Variants in POFUT3 observed in about 807,000 individuals in gnomAD.
POFUT3 encodes the protein protein O-fucosyltransferase 3, also known as GDP-fucose protein O-fucosyltransferase 3.
the POFUT3 span, among the ~76,000 whole-genome samples, chr8:33,323,239 G>C: frequency 3.3e-5 from 5 of 152,090 alleles, no homozygotes. Context: ...TTGATGATGC[G>C]GACAGTATGT....
chr8:33,399,965 A>C, the POFUT3 span, among the ~76,000 whole-genome samples: 1 of 151,852 alleles, frequency 6.6e-6, no homozygotes, highest in African/African-American at 2.4e-5. Context: ...AAAAGTAGTA[A>C]TCTGAGAAGA....
At chr8:33,390,480 A>T in the POFUT3 span, among the ~76,000 whole-genome samples, 6 of 151,802 alleles carry the variant, frequency 4.0e-5, no homozygotes, top group Non-Finnish European at 8.8e-5. Flanking sequence ...ACAGTTCTTT[A>T]AAAAGAAAAG....
the POFUT3 span, among the ~76,000 whole-genome samples, chr8:33,308,459 C>G: frequency 1.3e-5 from 2 of 152,158 alleles, no homozygotes; most frequent in Non-Finnish European, 2.9e-5. Context: ...GGACTAGAGT[C>G]TAGTCTAGGA....
chr8:33,372,553 G>A, the POFUT3 span: 2 of 1,610,072 alleles, frequency 1.2e-6, no homozygotes, highest in Non-Finnish European at 1.7e-6. Flanking sequence ...GCTCTAGTCT[G>A]TTTCATTCTG....
chr8:33,324,523 G>A, the POFUT3 span, among the ~76,000 whole-genome samples: 1 of 152,004 alleles, frequency 6.6e-6, no homozygotes, highest in South Asian at 2.1e-4. Context: ...TGTCTAACAG[G>A]CATCTCAAAT....
chr8:33,466,733 C>T, the POFUT3 span, among the ~76,000 whole-genome samples: 1 of 152,112 alleles, frequency 6.6e-6, no homozygotes, highest in Non-Finnish European at 1.5e-5. Context: ...CTATGAAGGA[C>T]AGCAGGCTCC....
the POFUT3 span, among the ~76,000 whole-genome samples, chr8:33,368,335 C>T: frequency 1.3e-5 from 2 of 152,154 alleles, no homozygotes; most frequent in African/African-American, 2.4e-5. Flanking sequence ...CTATCCCTTG[C>T]CGATCTCCTT....
the POFUT3 span, among the ~76,000 whole-genome samples, chr8:33,365,556 T>C: frequency 6.6e-6 from 1 of 152,034 alleles, no homozygotes; most frequent in South Asian, 2.1e-4. Flanking sequence ...CTCAAACAAA[T>C]TTACAAGAAA....
chr8:33,389,627 G>T, the POFUT3 span: 1 of 1,614,202 alleles, frequency 6.2e-7, no homozygotes, highest in Non-Finnish European at 8.5e-7. Flanking sequence ...CAAGTATTGG[G>T]TAGTTAGTGG....
the POFUT3 span, among the ~76,000 whole-genome samples, chr8:33,379,852 T>C: frequency 8.1e-6 from 1 of 123,890 alleles, no homozygotes. Flanking sequence ...AAAAAATATA[T>C]ATATATATAT....
At chr8:33,465,610 G>A in the POFUT3 span, among the ~76,000 whole-genome samples, 12,836 of 151,968 alleles carry the variant, frequency 0.084, 716 homozygotes, top group African/African-American at 0.16. Flanking sequence ...CTACAGGCGC[G>A]TGCCACCACA....
the POFUT3 span, among the ~76,000 whole-genome samples, chr8:33,317,697 C>T: frequency 6.6e-6 from 1 of 152,032 alleles, no homozygotes; most frequent in Non-Finnish European, 1.5e-5. Context: ...TAAATAAACA[C>T]CCTCCTTTTT....
the POFUT3 span, among the ~76,000 whole-genome samples, chr8:33,390,976 T>C: frequency 1.2e-4 from 18 of 152,298 alleles, no homozygotes; most frequent in South Asian, 4.1e-4. Context: ...ATAGGTAATA[T>C]ACAATTTCTG....
the POFUT3 span, among the ~76,000 whole-genome samples, chr8:33,346,321 C>T: frequency 3.3e-5 from 5 of 152,186 alleles, no homozygotes; most frequent in Non-Finnish European, 7.4e-5. Flanking sequence ...TGTCAGCCAA[C>T]AAACCCTTCT....
At chr8:33,320,205 A>AG in the POFUT3 span, among the ~76,000 whole-genome samples, 3 of 151,948 alleles carry the variant, frequency 2.0e-5, no homozygotes, top group African/African-American at 4.8e-5. Context: ...GACATATGGA[A>AG]GGGGGGCATC....
At chr8:33,440,084 A>G in the POFUT3 span, among the ~76,000 whole-genome samples, 1 of 150,986 alleles carries the variant, frequency 6.6e-6, no homozygotes, top group Non-Finnish European at 1.5e-5. Flanking sequence ...AAAATGCGAC[A>G]GAACCTGATG....
chr8:33,423,707 C>A, the POFUT3 span, among the ~76,000 whole-genome samples: 2 of 149,358 alleles, frequency 1.3e-5, no homozygotes, highest in Non-Finnish European at 3.0e-5. Context: ...TAATAAATTT[C>A]TCACAGGCCA....
At chr8:33,361,882 C>A in the POFUT3 span, among the ~76,000 whole-genome samples, 1 of 151,930 alleles carries the variant, frequency 6.6e-6, no homozygotes, top group Non-Finnish European at 1.5e-5. Flanking sequence ...CTGTGGTTAT[C>A]TTTTATCTTA....
the POFUT3 span, chr8:33,461,707 A>C: frequency 7.1e-7 from 1 of 1,400,386 alleles, no homozygotes; most frequent in South Asian, 1.4e-5. Context: ...TCTCCAAATA[A>C]GAAGGAATCA....
Sources: allele counts gnomAD v4.1 joint callset (sites outside exome capture counted in the v4.1 genomes callset), GRCh38; gene constraint gnomAD v4.1.1; transcripts MANE v1.5; gene names NCBI Gene and HGNC (gene_info 2026-07-23, HGNC 2026-07-21).